The following NIPAL4 variants were observed in gnomAD, a reference collection of about 807,000 sequenced individuals.
The protein encoded by NIPAL4 is magnesium transporter NIPA4.
In NIPAL4, 21 loss-of-function variants were observed where a neutral mutation model predicts 31.6. The observed-to-expected ratio is 0.67, with a 90% CI of 0.47 to 0.96. NIPAL4 has a LOEUF of 0.96. Ranked by LOEUF, NIPAL4 falls within the 40% of genes least tolerant of loss-of-function variation. The pLI is 0.00. For synonymous variants in NIPAL4, 175 were observed against 211.1 expected (o/e 0.83, Z 1.48); for missense variants, 438 against 508.0 (o/e 0.86, Z 1.32).
chr5:157,464,915 C>A (rs896761300), intron 2 of NIPAL4, among the ~76,000 whole-genome samples: 1 of 152,070 alleles, frequency 6.6e-6, no homozygotes, highest in Non-Finnish European at 1.5e-5. Flanking sequence ...AGAATAGTAC[C>A]AGCCTAAAGG....
At chr5:157,467,342 G>T in intron 3 of NIPAL4, 1 of 471,836 alleles carries the variant, frequency 2.1e-6, no homozygotes, top group Non-Finnish European at 3.9e-6. Flanking sequence ...AACCATGAAG[G>T]TGTATTTTCT....
At chr5:157,461,071 G>C (rs1754091181) in intron 1 of NIPAL4, among the ~76,000 whole-genome samples, 1 of 151,312 alleles carries the variant, frequency 6.6e-6, no homozygotes, top group Non-Finnish European at 1.5e-5. Context: ...CCTTGGTGTG[G>C]CTCCACTTTC....
chr5:157,470,524 G>A (rs1754400665), intron 4 of NIPAL4, among the ~76,000 whole-genome samples: 1 of 152,162 alleles, frequency 6.6e-6, no homozygotes, highest in Non-Finnish European at 1.5e-5. Context: ...TTATCAACTG[G>A]AGATAGTATA....
chr5:157,460,510 T>G lies in NIPAL4; in HGVS notation c.37+153T>G, dbSNP rs1466975729. On this transcript the variant is annotated intron_variant, in intron 1 of 5. Transcript: ENST00000311946. ...GGTGGCTCCCACCCAGCTTTGAAGA[T>G]CTGGGTTCTGGCTGAGACTTCACTT... 14 of 779,016 alleles carry G rather than the reference T, an allele frequency of 1.8e-5. No homozygotes were observed. In the East Asian group the frequency reaches 3.7e-4, roughly 21 times the overall value. The allele number at this position is 779,016 out of a possible 1,614,324, so 48.3% of individuals were successfully genotyped here.
chr5:157,466,912 AC>A (rs1754288966), intron 2 of NIPAL4, 136 bp from the exon 3 acceptor site: 4 of 658,584 alleles, frequency 6.1e-6, no homozygotes, highest in Non-Finnish European at 1.1e-5. Context: ...GAACAAATGA[AC>A]CCACCCAGGA....
chr5:157,466,040 G>GGGA (rs1360660243), intron 2 of NIPAL4, among the ~76,000 whole-genome samples: 1 of 137,742 alleles, frequency 7.3e-6, no homozygotes, highest in African/African-American at 2.7e-5. Flanking sequence ...GGAGGGAGGA[G>GGGA]GGAGGGAAGG....
In NIPAL4 at chr5:157,465,395, T is replaced by C. The variant is rs145999837; in HGVS notation, c.278-1654T>C. 2.6e-3 allele frequency among the ~76,000 whole-genome samples: 401 copies of C among 152,362 alleles called. 2 individuals carry two copies. In the East Asian group the frequency reaches 0.026, roughly 10 times the overall value. ...AGTTCTTAACATTTATGGGAAATTC[T>C]GACCTTTTTAGGAACCTAATGAAAA... On this transcript the variant is annotated intron_variant, in intron 2 of 5. Coordinates refer to ENST00000311946, the MANE Select transcript of NIPAL4 (RefSeq NM_001099287.2).
intron 3 of NIPAL4, chr5:157,467,441 G>A (rs746453415): frequency 5.0e-5 from 15 of 300,188 alleles, no homozygotes; most frequent in Non-Finnish European, 5.9e-5. Context: ...GAACTCCTAG[G>A]CCAACTTCCC....
At chr5:157,471,958 G>C (rs1041679736) in intron 5 of NIPAL4, 141 bp downstream of exon 5, 3 of 674,174 alleles carry the variant, frequency 4.4e-6, no homozygotes, top group South Asian at 3.6e-5. Context: ...AAATGTTAAT[G>C]GGCTGGTACT....
intron 2 of NIPAL4, among the ~76,000 whole-genome samples, chr5:157,464,562 G>C (rs1754203046): frequency 6.6e-6 from 1 of 152,048 alleles, no homozygotes; most frequent in South Asian, 2.1e-4. Context: ...TCCAAAGCTA[G>C]TTTTTGAAGG....
At chr5:157,462,720 C>T (rs1754141731) in intron 1 of NIPAL4, among the ~76,000 whole-genome samples, 1 of 152,224 alleles carries the variant, frequency 6.6e-6, no homozygotes, top group Non-Finnish European at 1.5e-5. Context: ...GTTGTGCCTG[C>T]TTCCAAGTGG....
intron 4 of NIPAL4, 144 bp downstream of exon 4, chr5:157,468,956 C>T: frequency 1.7e-6 from 1 of 590,690 alleles, no homozygotes; most frequent in Non-Finnish European, 3.0e-6. Flanking sequence ...GTGTGCTGTC[C>T]AGAGCTATAG....
intron 1 of NIPAL4, among the ~76,000 whole-genome samples, chr5:157,462,557 G>C (rs1754137582): frequency 1.3e-5 from 2 of 152,276 alleles, no homozygotes; most frequent in East Asian, 1.9e-4. Context: ...GCTTTATTGA[G>C]GTGTGTGTGA....
chr5:157,462,333 C>T (rs1456386963), intron 1 of NIPAL4, among the ~76,000 whole-genome samples: 1 of 152,060 alleles, frequency 6.6e-6, no homozygotes, highest in Non-Finnish European at 1.5e-5. Context: ...GAAAATCTCC[C>T]AATTTTTAAA....
At chr5:157,466,904 A>ACAAATGAACCCACCCAGGAGAAGGCC (rs1561829431) in intron 2 of NIPAL4, 145 bp from the exon 3 acceptor site, 2 of 636,774 alleles carry the variant, frequency 3.1e-6, no homozygotes, top group East Asian at 5.8e-5. Flanking sequence ...AACTTTAGGA[A>ACAAATGAACCCACCCAGGAGAAGGCC]CAAATGAACC....
intron 1 of NIPAL4, among the ~76,000 whole-genome samples, chr5:157,462,796 A>G (rs1269222086): frequency 6.6e-6 from 1 of 152,216 alleles, no homozygotes; most frequent in Non-Finnish European, 1.5e-5. Context: ...CTGAAGAATT[A>G]TTGGCTATTC....
At chr5:157,460,661 CG>C in intron 1 of NIPAL4, 2 of 358,732 alleles carry the variant, frequency 5.6e-6, no homozygotes, top group East Asian at 5.9e-5. Flanking sequence ...GTGGTGGGGG[CG>C]GGGGGAGGAT....
At chr5:157,461,749 G>A (rs1306223261) in intron 1 of NIPAL4, among the ~76,000 whole-genome samples, 1 of 152,246 alleles carries the variant, frequency 6.6e-6, no homozygotes, top group Non-Finnish European at 1.5e-5. Context: ...GCCCCAGTGG[G>A]TGCTGGATCC....
At chr5:157,463,481 GT>G in intron 2 of NIPAL4, 148 bp downstream of exon 2, 1 of 994,702 alleles carries the variant, frequency 1.0e-6, no homozygotes, top group Non-Finnish European at 1.4e-6. Flanking sequence ...CAGGGTTAGG[GT>G]TTAGGGTTAT....
Sources: allele counts gnomAD v4.1 joint callset (sites outside exome capture counted in the v4.1 genomes callset), GRCh38; gene constraint gnomAD v4.1.1; transcripts MANE v1.5; gene names NCBI Gene and HGNC (gene_info 2026-07-23, HGNC 2026-07-21).